Variants in TOP6BL observed in about 807,000 individuals in gnomAD.
TOP6BL encodes TOP6B like initiator of meiotic double strand breaks, also known as type 2 DNA topoisomerase 6 subunit B-like.
chr11:66,781,581 G>T, the TOP6BL span, among the ~76,000 whole-genome samples: 1 of 152,090 alleles, frequency 6.6e-6, no homozygotes, highest in Non-Finnish European at 1.5e-5. Context: ...CTGTCACCAG[G>T]CTGAAAAGTG....
the TOP6BL span, chr11:66,748,421 G>A: frequency 3.2e-6 from 5 of 1,546,976 alleles, no homozygotes; most frequent in South Asian, 2.4e-5. Flanking sequence ...TGACATAGAT[G>A]TATCAAAGGG....
chr11:66,753,139 T>A, the TOP6BL span, among the ~76,000 whole-genome samples: 21 of 151,818 alleles, frequency 1.4e-4, no homozygotes, highest in South Asian at 4.2e-4. Flanking sequence ...CAAAAAAAAA[T>A]ATATATATAT....
At chr11:66,819,539 A>G in the TOP6BL span, among the ~76,000 whole-genome samples, 1 of 152,182 alleles carries the variant, frequency 6.6e-6, no homozygotes, top group East Asian at 1.9e-4. Context: ...GAGGGGCCAA[A>G]GCAGGAGGAC....
chr11:66,836,975 A>G, the TOP6BL span, among the ~76,000 whole-genome samples: 1 of 151,982 alleles, frequency 6.6e-6, no homozygotes, highest in Non-Finnish European at 1.5e-5. Context: ...CTGGGATTAT[A>G]GGCGTGAGCT....
At chr11:66,816,278 T>C in the TOP6BL span, 1 of 1,384,228 alleles carries the variant, frequency 7.2e-7, no homozygotes, top group South Asian at 1.6e-5. Flanking sequence ...AATGCACACA[T>C]CTAAATTAGA....
chr11:66,761,177 C>G, the TOP6BL span, among the ~76,000 whole-genome samples: 1 of 152,122 alleles, frequency 6.6e-6, no homozygotes, highest in Non-Finnish European at 1.5e-5. Context: ...CGAGACCATC[C>G]TGGCTAACAC....
chr11:66,835,797 CATTA>C, the TOP6BL span, among the ~76,000 whole-genome samples: 3 of 152,258 alleles, frequency 2.0e-5, no homozygotes, highest in East Asian at 3.9e-4. Flanking sequence ...ACATTTTATC[CATTA>C]ATTAGTTGAT....
At chr11:66,749,918 C>G in the TOP6BL span, among the ~76,000 whole-genome samples, 21 of 152,220 alleles carry the variant, frequency 1.4e-4, no homozygotes, top group African/African-American at 4.8e-4. Context: ...CGTGGTGATA[C>G]ATGCTTGATA....
the TOP6BL span, among the ~76,000 whole-genome samples, chr11:66,792,099 C>T: frequency 5.3e-5 from 8 of 152,072 alleles, no homozygotes; most frequent in African/African-American, 9.7e-5. Flanking sequence ...CGTGAGCCGC[C>T]GCACCCAGCT....
chr11:66,830,860 T>C, the TOP6BL span, among the ~76,000 whole-genome samples: 1 of 152,198 alleles, frequency 6.6e-6, no homozygotes, highest in African/African-American at 2.4e-5. Context: ...TTTTTAAAAT[T>C]GAATGTTTAA....
At chr11:66,759,193 G>A in the TOP6BL span, 1 of 826,166 alleles carries the variant, frequency 1.2e-6, no homozygotes, top group Non-Finnish European at 1.8e-6. Flanking sequence ...AGAGCTGACA[G>A]ATTTATAAAT....
At chr11:66,775,888 T>C in the TOP6BL span, among the ~76,000 whole-genome samples, 4 of 152,148 alleles carry the variant, frequency 2.6e-5, no homozygotes, top group Admixed American at 2.6e-4. Flanking sequence ...ATTTCTATAG[T>C]CTTATAGTTT....
At chr11:66,762,347 C>G in the TOP6BL span, 1 of 377,682 alleles carries the variant, frequency 2.6e-6, no homozygotes, top group Non-Finnish European at 4.8e-6. Flanking sequence ...GGTGTGGAAG[C>G]CGGCGACGCA....
chr11:66,757,206 G>A, the TOP6BL span, among the ~76,000 whole-genome samples: 132 of 152,118 alleles, frequency 8.7e-4, no homozygotes, highest in African/African-American at 3.1e-3. Flanking sequence ...AGTCGGGCGC[G>A]GTGGCGTATG....
the TOP6BL span, among the ~76,000 whole-genome samples, chr11:66,798,701 T>C: frequency 1.3e-5 from 2 of 151,296 alleles, no homozygotes; most frequent in African/African-American, 4.9e-5. Flanking sequence ...AGCTGTGATA[T>C]AGGGCTCAAT....
chr11:66,829,679 GGAGTTCAAGACCAGCCT>G, the TOP6BL span, among the ~76,000 whole-genome samples: 1 of 152,016 alleles, frequency 6.6e-6, no homozygotes, highest in Non-Finnish European at 1.5e-5. Flanking sequence ...CTTGACCCCA[GGAGTTCAAGACCAGCCT>G]GGGTAACATG....
At chr11:66,755,181 T>C in the TOP6BL span, among the ~76,000 whole-genome samples, 16 of 151,402 alleles carry the variant, frequency 1.1e-4, 1 homozygote, top group Non-Finnish European at 2.1e-4. Flanking sequence ...GGTGCAGTGG[T>C]GTGATATCAG....
At chr11:66,757,212 G>A in the TOP6BL span, among the ~76,000 whole-genome samples, 3 of 151,952 alleles carry the variant, frequency 2.0e-5, no homozygotes, top group South Asian at 2.1e-4. Context: ...GCGCGGTGGC[G>A]TATGTCTATA....
chr11:66,784,276 G>A, the TOP6BL span, among the ~76,000 whole-genome samples: 2 of 151,874 alleles, frequency 1.3e-5, no homozygotes, highest in Non-Finnish European at 1.5e-5. Context: ...CTCGTGATTC[G>A]CCCACCTTGG....
Sources: gnomAD v4.1 joint callset for allele counts (sites outside exome capture counted in the v4.1 genomes callset) on GRCh38, gnomAD v4.1.1 for gene constraint, MANE v1.5 for transcripts, NCBI Gene and HGNC (gene_info 2026-07-23, HGNC 2026-07-21) for gene names.